The following MACROD2 variants were observed in gnomAD, a reference collection of about 807,000 sequenced individuals.
MACROD2 encodes the protein ADP-ribose glycohydrolase MACROD2.
A neutral mutation model predicts 70.4 loss-of-function variants in MACROD2; 36 were observed. The observed-to-expected ratio is 0.51, with a 90% CI of 0.39 to 0.68. The LOEUF (loss-of-function observed/expected upper bound fraction) is 0.68, where lower values mean the gene tolerates loss of function less well. MACROD2 is among the 30% of genes least tolerant of loss of function. The pLI is 0.00. For synonymous variants in MACROD2, 172 were observed against 178.8 expected, an observed-to-expected ratio of 0.96 and a Z score of 0.30; for missense variants, 496 against 538.4, an observed-to-expected ratio of 0.92 and a Z score of 0.78.
chr20:15,892,855 T>C (rs2064910233), intron 10 of MACROD2: 6 of 397,852 alleles, frequency 1.5e-5, no homozygotes, highest in Middle Eastern at 6.3e-4. Flanking sequence ...AGAAAACATT[T>C]TTAAATTTCA....
chr20:14,996,223 C>G (rs917671217), intron 5 of MACROD2, among the ~76,000 whole-genome samples: 3 of 152,186 alleles, frequency 2.0e-5, no homozygotes, highest in East Asian at 3.9e-4. Context: ...CCAGTGTGCT[C>G]TGCACATGGC....
intron 3 of MACROD2, among the ~76,000 whole-genome samples, chr20:14,239,784 G>A (rs996464230): frequency 1.3e-5 from 2 of 152,172 alleles, no homozygotes; most frequent in African/African-American, 4.8e-5. Flanking sequence ...AAGATTTCAT[G>A]ACGTAGATGC....
At chr20:14,499,241 A>T (rs1010303624) in intron 4 of MACROD2, among the ~76,000 whole-genome samples, 2 of 152,198 alleles carry the variant, frequency 1.3e-5, no homozygotes, top group Admixed American at 6.5e-5. Flanking sequence ...TTAAATCTTA[A>T]CTGCCTCGGC....
chr20:16,018,500 C>A (rs1249075716), intron 15 of MACROD2, among the ~76,000 whole-genome samples: 1 of 152,056 alleles, frequency 6.6e-6, no homozygotes, highest in Non-Finnish European at 1.5e-5. Flanking sequence ...ATGGTCTTAT[C>A]TCCTACTTTG....
chr20:14,220,982 G>A (rs943889766), intron 3 of MACROD2, among the ~76,000 whole-genome samples: 2 of 152,120 alleles, frequency 1.3e-5, no homozygotes, highest in African/African-American at 2.4e-5. Flanking sequence ...TTCACAGTGC[G>A]AGGTGCCGCC....
At chr20:15,799,091 A>C (rs954870863) in intron 8 of MACROD2, among the ~76,000 whole-genome samples, 2 of 152,226 alleles carry the variant, frequency 1.3e-5, no homozygotes, top group Admixed American at 1.3e-4. Context: ...CTTCTCTTCA[A>C]AGAGCTTATG....
Position 15,229,971 on chromosome 20 carries a change from G to T in MACROD2, c.450G>T (p.Arg150Ser). Residue 150 changes from arginine (R) to serine (S), a missense_variant, in exon 6 of 18, where the codon AGG becomes AGT. Arg to Ser is a moderately radical substitution (Grantham distance 110). Coordinates refer to ENST00000684519, the MANE Select transcript of MACROD2 (RefSeq NM_001351661.2). ...TCCATACTGTAGGGCCAATAGCCAG[G>T]GGCCATATTAATGGTTCCCACAAGG... ...YVIHTVGPIA[R>S]GHINGSHKED... 6.2e-7 allele frequency: 1 copy of T among 1,613,610 alleles called. No homozygotes were observed.
intron 8 of MACROD2, among the ~76,000 whole-genome samples, chr20:15,776,089 C>G (rs2147028087): frequency 6.6e-6 from 1 of 152,280 alleles, no homozygotes; most frequent in East Asian, 1.9e-4. Context: ...AAGTTTTTGG[C>G]AATGCTTCAC....
intron 3 of MACROD2, among the ~76,000 whole-genome samples, chr20:14,136,424 A>G (rs531394925): frequency 3.9e-5 from 6 of 152,206 alleles, no homozygotes; most frequent in Admixed American, 1.3e-4. Context: ...TTCTTGCTAC[A>G]TATTATCTAT....
Position 15,049,602 on chromosome 20 carries a change from C to T in MACROD2, c.419-180338C>T, listed in dbSNP as rs75195887. On this transcript the variant is annotated intron_variant, in intron 5 of 17. Coordinates refer to ENST00000684519, the MANE Select transcript of MACROD2 (RefSeq NM_001351661.2). ...TATAGTCAAGGCATAGTGTGCTACC[C>T]TCTAAGATAAAAAATATAATACAGG... Among the ~76,000 whole-genome samples the T allele has an allele frequency of 6.4e-3, 970 of 152,190 alleles. 8 individuals carry two copies. Among genetic ancestry groups the T allele is most frequent in the African/African-American group, 0.022 (910 of 41,534 alleles).
At chr20:14,386,292 G>C (rs2083467225) in intron 3 of MACROD2, among the ~76,000 whole-genome samples, 1 of 152,116 alleles carries the variant, frequency 6.6e-6, no homozygotes. Flanking sequence ...AGAATTCATG[G>C]TTTTCTAAAA....
At chr20:15,377,944 A>G (rs2045584890) in intron 6 of MACROD2, among the ~76,000 whole-genome samples, 1 of 152,084 alleles carries the variant, frequency 6.6e-6, no homozygotes, top group African/African-American at 2.4e-5. Context: ...TTGAACAATG[A>G]GAACACATGG....
intron 3 of MACROD2, among the ~76,000 whole-genome samples, chr20:14,466,299 G>C (rs915585826): frequency 3.3e-5 from 5 of 151,866 alleles, no homozygotes; most frequent in Non-Finnish European, 7.4e-5. Context: ...TTCCATTGCT[G>C]ATACCCTTTC....
At chr20:14,665,376 G>A (rs1265312603) in intron 4 of MACROD2, among the ~76,000 whole-genome samples, 1 of 151,628 alleles carries the variant, frequency 6.6e-6, no homozygotes. Context: ...GGGTGAAGTA[G>A]AAAAGTTTAC....
intron 8 of MACROD2, among the ~76,000 whole-genome samples, chr20:15,757,924 G>A (rs1346268716): frequency 6.6e-6 from 1 of 152,060 alleles, no homozygotes; most frequent in Admixed American, 6.6e-5. Context: ...AATTTTGGGA[G>A]GACACAATCA....
At chr20:14,311,567 G>A (rs750646714) in intron 3 of MACROD2, among the ~76,000 whole-genome samples, 5 of 152,100 alleles carry the variant, frequency 3.3e-5, no homozygotes, top group Non-Finnish European at 7.4e-5. Flanking sequence ...ACCCAGGCTG[G>A]AGTGCAGTGG....
intron 5 of MACROD2, among the ~76,000 whole-genome samples, chr20:14,930,672 G>A (rs894460208): frequency 2.7e-5 from 4 of 148,348 alleles, no homozygotes; most frequent in African/African-American, 9.9e-5. Context: ...AGTGGCTCAT[G>A]CCTGTAATCC....
At chr20:14,554,913 G>C (rs1262066429) in intron 4 of MACROD2, among the ~76,000 whole-genome samples, 1 of 151,988 alleles carries the variant, frequency 6.6e-6, no homozygotes, top group Non-Finnish European at 1.5e-5. Context: ...TGTGTGTTTT[G>C]AGACCAAGGT....
intron 8 of MACROD2, among the ~76,000 whole-genome samples, chr20:15,591,172 T>A (rs1231645439): frequency 6.6e-6 from 1 of 152,172 alleles, no homozygotes; most frequent in Non-Finnish European, 1.5e-5. Flanking sequence ...TGGTATTCTA[T>A]CCCTGGGCCT....
Sources: gnomAD v4.1 joint callset for allele counts (sites outside exome capture counted in the v4.1 genomes callset) on GRCh38, gnomAD v4.1.1 for gene constraint, MANE v1.5 for transcripts, NCBI Gene and HGNC (gene_info 2026-07-23, HGNC 2026-07-21) for gene names.